UGT1A10: variants seen among roughly 807,000 people sequenced by gnomAD.
The protein encoded by UGT1A10 is UDP-glucuronosyltransferase 1A10.
Under a neutral mutation model 45.8 loss-of-function variants are expected in UGT1A10, and 49 were observed. That is an observed-to-expected ratio of 1.07 (90% CI 0.85 to 1.36). The LOEUF (loss-of-function observed/expected upper bound fraction) is 1.36, where lower values mean the gene tolerates loss of function less well. Ranked by LOEUF, UGT1A10 falls within the 40% of genes most tolerant of loss-of-function variation. UGT1A10 has a pLI of 0.00. For synonymous variants in UGT1A10, 284 were observed against 249.7 expected, an observed-to-expected ratio of 1.14 and a Z score of -1.29; for missense variants, 745 against 668.6, an observed-to-expected ratio of 1.11 and a Z score of -1.26.
At chr2:233,677,045 A>G (rs983914682) in intron 1 of UGT1A10, among the ~76,000 whole-genome samples, 18 of 151,736 alleles carry the variant, frequency 1.2e-4, no homozygotes, top group African/African-American at 4.1e-4. Flanking sequence ...TTGCATTACC[A>G]TATGCATTTT....
intron 1 of UGT1A10, chr2:233,752,526 A>C (rs1482911253): frequency 2.0e-5 from 3 of 152,234 alleles, no homozygotes; most frequent in Non-Finnish European, 4.4e-5. Context: ...AATTCTAAAA[A>C]TTCTTTAAAT....
intron 3 of UGT1A10, 56 bp from the exon 4 acceptor site, chr2:233,768,164 C>T: frequency 1.2e-6 from 2 of 1,613,412 alleles, no homozygotes; most frequent in Non-Finnish European, 1.7e-6. Flanking sequence ...CTAGATGTGT[C>T]CAGCTGTGAA....
chr2:233,733,931 G>A (rs1209244784), intron 1 of UGT1A10, among the ~76,000 whole-genome samples: 1 of 151,624 alleles, frequency 6.6e-6, no homozygotes, highest in Non-Finnish European at 1.5e-5. Flanking sequence ...TGAGGAAGGG[G>A]AACATCACAT....
intron 1 of UGT1A10, among the ~76,000 whole-genome samples, chr2:233,645,114 C>A (rs1235733617): frequency 6.6e-6 from 1 of 152,200 alleles, no homozygotes; most frequent in African/African-American, 2.4e-5. Context: ...CCCTTACTGG[C>A]AATGCATTTT....
At chr2:233,662,360 G>T (rs996708968) in intron 1 of UGT1A10, among the ~76,000 whole-genome samples, 5 of 151,988 alleles carry the variant, frequency 3.3e-5, no homozygotes, top group African/African-American at 1.2e-4. Context: ...TCAATTTGTT[G>T]CAAATCTCCA....
intron 1 of UGT1A10, among the ~76,000 whole-genome samples, chr2:233,728,111 A>G (rs1242261758): frequency 6.6e-6 from 1 of 152,146 alleles, no homozygotes; most frequent in Non-Finnish European, 1.5e-5. Context: ...TTAATTCTCC[A>G]TCTTGAAATT....
Position 233,773,040 on chromosome 2 carries a change from C to T in UGT1A10, c.*481C>T, listed in dbSNP as rs1347868003. On this transcript the variant is annotated 3_prime_UTR_variant, in exon 5 of 5. Coordinates refer to ENST00000344644, the MANE Select transcript of UGT1A10 (RefSeq NM_019075.4). ...ACCTTGTGTGTTTAAAGAAGGGAAGCTTTGTACCTTTAGAGTGTAGGTGAA... is the reference window on the plus strand; with the variant it reads ...ACCTTGTGTGTTTAAAGAAGGGAAGTTTTGTACCTTTAGAGTGTAGGTGAA... The T allele has an allele frequency of 5.1e-6, 1 of 194,624 alleles. No individual in the cohort carries two copies. Among genetic ancestry groups the T allele is most frequent in the Non-Finnish European group, 1.1e-5 (1 of 93,038 alleles). 12.1% of individuals were successfully genotyped at this position (194,624 alleles called of 1,614,324 possible).
At position 233,691,464 on chromosome 2, in the gene UGT1A10, A is replaced by G. The variant is rs995764297; in HGVS notation, c.855+54087A>G. 5.1e-6 allele frequency: 5 copies of G among 985,472 alleles called. No homozygotes were observed. The African/African-American group carries it at 5.2e-5, about 10-fold the overall frequency. 61.0% of individuals were successfully genotyped at this position (985,472 alleles called of 1,614,324 possible). A position where few individuals can be genotyped will look rare whatever the true frequency, so the allele number is the denominator to read the frequency against. ...CTTCTCCCTTCCTGGGCCCCAGAAC[A>G]CCTCCGGTGCCAAACTTGTGGGTGG... is the stretch of plus-strand genomic sequence containing the variant. On this transcript the variant is annotated intron_variant, in intron 1 of 4. Transcript: ENST00000344644.
rs879204025 is a variant in UGT1A10, at chr2:233,769,857, CAAA to C, written c.1295+1433_1295+1435del. The C allele has an allele frequency of 9.2e-3, 2,056 of 222,634 alleles. No homozygotes were observed. Among genetic ancestry groups the C allele is most frequent in the South Asian group, 0.014 (129 of 9,020 alleles). The allele number at this position is 222,634 out of a possible 1,614,324, so 13.8% of individuals were successfully genotyped here. On this transcript the variant is annotated intron_variant, in intron 4 of 4. Transcript: ENST00000344644. The surrounding 1 kb of genome is among the most constrained non-coding windows in gnomAD (Gnocchi z 4.4). ...TGGGCAACAGAGTGAGACCCTGTCT[CAAA>C]AAAAAAAAAAAAAATGAAAAGTCCA...
intron 1 of UGT1A10, among the ~76,000 whole-genome samples, chr2:233,639,533 G>A (rs181266418): frequency 6.6e-6 from 1 of 152,338 alleles, no homozygotes; most frequent in Admixed American, 6.5e-5. Context: ...AGGATTCAGA[G>A]TCTGAGTCTC....
At chr2:233,678,431 G>A (rs1297546126) in intron 1 of UGT1A10, among the ~76,000 whole-genome samples, 2 of 152,186 alleles carry the variant, frequency 1.3e-5, no homozygotes, top group Admixed American at 1.3e-4. Context: ...GGGTGGCAGA[G>A]GCAGAAGAGG....
rs141973948 is a variant in UGT1A10, at chr2:233,636,824, A to G, written c.302A>G (p.Gln101Arg). ...TTCGCCCATGCTCAATGGAAAGCAC[A>G]GGCACAAAGTATATTTTCTCTATTA... ...MVFAHAQWKAQAQSIFSLLMS... is the reference protein window; with the variant it reads ...MVFAHAQWKARAQSIFSLLMS... The change falls in exon 1 of 5, where the codon CAG becomes CGG. Residue 101 changes from glutamine to arginine, a missense_variant. Physicochemically the swap from Gln to Arg is conservative, Grantham distance 43. Coordinates refer to ENST00000344644, the MANE Select transcript of UGT1A10 (RefSeq NM_019075.4). 2.5e-6 allele frequency: 4 copies of G among 1,614,234 alleles called. No homozygotes were observed. Among genetic ancestry groups the G allele is most frequent in the Non-Finnish European group, 3.4e-6 (4 of 1,180,042 alleles).
chr2:233,712,893 T>A, intron 1 of UGT1A10: 1 of 1,605,864 alleles, frequency 6.2e-7, no homozygotes, highest in Non-Finnish European at 8.5e-7. Context: ...ACATGTTGAT[T>A]TGCTAGGTGT....
intron 1 of UGT1A10, among the ~76,000 whole-genome samples, chr2:233,649,298 C>A (rs1346959287): frequency 6.6e-6 from 1 of 152,172 alleles, no homozygotes; most frequent in Non-Finnish European, 1.5e-5. Context: ...GGTGCCCTGG[C>A]TAGACTCAAA....
chr2:233,689,577 A>C (rs1345310099), intron 1 of UGT1A10, among the ~76,000 whole-genome samples: 5 of 152,206 alleles, frequency 3.3e-5, no homozygotes, highest in African/African-American at 4.8e-5. Flanking sequence ...TCTGATTTGC[A>C]ATTAGCTAAG....
In UGT1A10 at chr2:233,674,785, A is replaced by C. The variant is rs138825797; in HGVS notation, c.855+37408A>C. Among the ~76,000 whole-genome samples the C allele has an allele frequency of 2.0e-3, 312 of 152,296 alleles. 2 individuals are homozygous for C. Among genetic ancestry groups the C allele is most frequent in the African/African-American group, 7.2e-3 (300 of 41,576 alleles). ...TACGTGTAAAGCCAGCGGAGTTCTC[A>C]CAGAGGAATTCAGAACTCAAAGAAG... is the stretch of plus-strand genomic sequence containing the variant. On this transcript the variant is annotated intron_variant, in intron 1 of 4. Transcript: ENST00000344644.
chr2:233,734,316 G>A (rs901431667), intron 1 of UGT1A10, among the ~76,000 whole-genome samples: 3 of 152,136 alleles, frequency 2.0e-5, no homozygotes, highest in Admixed American at 6.5e-5. Context: ...TTGTGTAGAC[G>A]TATTTATAGT....
chr2:233,739,272 C>A (rs1444866031), intron 1 of UGT1A10, among the ~76,000 whole-genome samples: 1 of 152,138 alleles, frequency 6.6e-6, no homozygotes, highest in African/African-American at 2.4e-5. Context: ...AGGTTGGAGC[C>A]CCCACACAGA....
chr2:233,705,831 G>A (rs979530051), intron 1 of UGT1A10, among the ~76,000 whole-genome samples: 2 of 152,180 alleles, frequency 1.3e-5, no homozygotes, highest in Non-Finnish European at 2.9e-5. Context: ...CGAGCACAGT[G>A]GCTGGAGCTG....
Sources: allele counts gnomAD v4.1 joint callset (sites outside exome capture counted in the v4.1 genomes callset), GRCh38; gene constraint gnomAD v4.1.1; non-coding constraint Gnocchi (gnomAD v3.1); transcripts MANE v1.5; gene names NCBI Gene and HGNC (gene_info 2026-07-23, HGNC 2026-07-21).